Variants in SLC1A5 observed in about 807,000 individuals in gnomAD.
The protein encoded by SLC1A5 is neutral amino acid transporter B(0).
A neutral mutation model predicts 34.9 loss-of-function variants in SLC1A5; 25 were observed. That is an observed-to-expected ratio of 0.72 (90% CI 0.52 to 1.00). SLC1A5 has a LOEUF of 1.00. Ranked by LOEUF, SLC1A5 falls within the 50% of genes least tolerant of loss-of-function variation. The pLI, the probability that SLC1A5 is intolerant of heterozygous loss-of-function variation, is 0.00. For synonymous variants in SLC1A5, 351 were observed against 341.2 expected (o/e 1.03, Z -0.32); for missense variants, 637 against 740.0 (o/e 0.86, Z 1.61).
chr19:46,777,498 C>A (rs2055102576), intron 5 of SLC1A5, 93 bp from the exon 6 acceptor site: 6 of 1,241,090 alleles, frequency 4.8e-6, no homozygotes, highest in Middle Eastern at 2.8e-4. Flanking sequence ...TCGCCTACCC[C>A]ACCCCAACCA....
At chr19:46,784,929 G>A in intron 1 of SLC1A5, 1 of 1,216,650 alleles carries the variant, frequency 8.2e-7, no homozygotes, top group East Asian at 3.6e-5. Context: ...CCTCCTGGAG[G>A]GCCTGCCAGC....
At chr19:46,780,329 C>T (rs1253738473) in intron 4 of SLC1A5, among the ~76,000 whole-genome samples, 1 of 151,800 alleles carries the variant, frequency 6.6e-6, no homozygotes, top group Non-Finnish European at 1.5e-5. Context: ...GAGCGAGATC[C>T]TAGTTCAAAA....
At chr19:46,782,045 C>T (rs565930496) in intron 4 of SLC1A5, among the ~76,000 whole-genome samples, 3 of 152,090 alleles carry the variant, frequency 2.0e-5, no homozygotes, top group African/African-American at 7.2e-5. Context: ...AGGTGCGTGT[C>T]CCCATGCCTG....
chr19:46,786,015 G>T (rs1250877805), intron 1 of SLC1A5, among the ~76,000 whole-genome samples: 1 of 147,172 alleles, frequency 6.8e-6, no homozygotes, highest in Non-Finnish European at 1.5e-5. Flanking sequence ...AGCCAAGATC[G>T]CACCACTGCA....
chr19:46,782,360 C>CCCCCA, intron 4 of SLC1A5, 23 bp downstream of exon 4: 1 of 1,332,698 alleles, frequency 7.5e-7, no homozygotes, highest in Non-Finnish European at 1.1e-6. Flanking sequence ...CACCCACCCC[C>CCCCCA]AGCCTCCTCT....
rs377465288 is a variant in SLC1A5, at chr19:46,775,476, C to A, written c.*34G>T. 6.3e-7 allele frequency: 1 copy of A among 1,574,818 alleles called. No homozygotes were observed. The highest frequency in any genetic ancestry group is 8.6e-7 in the Non-Finnish European group (1 of 1,161,070). ...CTCATAATCCAGTGTCCAAAGAGCACCCCCAGCAGGGCAGGGAAGGTCCCT... is the reference window on the plus strand; with the variant it reads ...CTCATAATCCAGTGTCCAAAGAGCAACCCCAGCAGGGCAGGGAAGGTCCCT... On this transcript the variant is annotated 3_prime_UTR_variant, in exon 8 of 8. Coordinates refer to ENST00000542575, the MANE Select transcript of SLC1A5 (RefSeq NM_005628.3).
At chr19:46,784,292 T>G in intron 2 of SLC1A5, 148 bp from the exon 3 acceptor site, 1 of 788,216 alleles carries the variant, frequency 1.3e-6, no homozygotes, top group African/African-American at 1.7e-5. Flanking sequence ...GGCAGGATGA[T>G]CAATACCCCC....
intron 4 of SLC1A5, 32 bp downstream of exon 4, chr19:46,782,351 A>ACCC: frequency 3.9e-6 from 1 of 256,182 alleles, no homozygotes; most frequent in Non-Finnish European, 7.0e-6. Flanking sequence ...CTCCAACCCC[A>ACCC]CCCACCCCCA....
At position 46,775,322 on chromosome 19, in the gene SLC1A5, C is replaced by A. The variant is rs2055076406; in HGVS notation, c.*188G>T. On this transcript the variant is annotated 3_prime_UTR_variant, in exon 8 of 8. Coordinates refer to ENST00000542575, the MANE Select transcript of SLC1A5 (RefSeq NM_005628.3). ...GAGAACTGGGGGTTTTGAGGAGTAA[C>A]CCTTGTGAACACATGTACTCCAGCA... The A allele has an allele frequency of 1.4e-6, 2 of 1,405,702 alleles. No individual in the cohort carries two copies. Among genetic ancestry groups the A allele is most frequent in the Admixed American group, 2.9e-5 (1 of 34,330 alleles). The allele number at this position is 1,405,702 out of a possible 1,614,324, so 87.1% of individuals were successfully genotyped here. A position where few individuals can be genotyped will look rare whatever the true frequency, so the allele number is the denominator to read the frequency against.
At position 46,784,362 on chromosome 19, in the gene SLC1A5, CA is replaced by C. The variant is rs1426897259; in HGVS notation, c.609+154del. ...GTAAACACATTTACCCAGAGTCACACAGCTAGAATTAAAACTCACAGGAGGC... is the reference window on the plus strand; with the variant it reads ...GTAAACACATTTACCCAGAGTCACACGCTAGAATTAAAACTCACAGGAGGC... On this transcript the variant is annotated intron_variant, in intron 2 of 7. Coordinates refer to ENST00000542575, the MANE Select transcript of SLC1A5 (RefSeq NM_005628.3). Among the ~76,000 whole-genome samples the C allele has an allele frequency of 2.6e-5, 4 of 152,222 alleles. 1 individual carries two copies. The South Asian group carries it at 8.3e-4, about 32-fold the overall frequency.
At position 46,787,301 on chromosome 19, in the gene SLC1A5, A is replaced by C; in HGVS notation, c.566+99T>G. ...GAGTTTTCCTAAGACTCTAGAGGGA[A>C]GTCTCTGCTCCAGGGGCCCCAAAGC... On this transcript the variant is annotated intron_variant, in intron 1 of 7. Transcript: ENST00000542575. This position sits in a 1 kb window ranked among gnomAD's most constrained non-coding sequence, Gnocchi z 5.2. 3 of 1,509,150 alleles carry C rather than the reference A, an allele frequency of 2.0e-6. No individual in the cohort carries two copies. In the South Asian group the frequency reaches 3.8e-5, roughly 19 times the overall value. The allele number at this position is 1,509,150 out of a possible 1,614,324, so 93.5% of individuals were successfully genotyped here.
Position 46,778,857 on chromosome 19 carries a change from C to T in SLC1A5, c.876G>A (p.Met292Ile). 6.3e-7 allele frequency: 1 copy of T among 1,599,094 alleles called. No homozygotes were observed. Among genetic ancestry groups the T allele is most frequent in the Non-Finnish European group, 8.5e-7 (1 of 1,172,438 alleles). Residue 292 changes from methionine (M) to isoleucine (I), a missense_variant, in exon 5 of 8, where the codon ATG becomes ATA. Met to Ile is a conservative substitution (Grantham distance 10). Coordinates refer to ENST00000542575, the MANE Select transcript of SLC1A5 (RefSeq NM_005628.3). Reference sequence around the variant, plus strand: ...GGGCAAAGAGTAAACCCACATCCTCCATCTCCACGATCTTGCCAGCCACCA... The same window carrying T: ...GGGCAAAGAGTAAACCCACATCCTCTATCTCCACGATCTTGCCAGCCACCA... ...MFLVAGKIVE[M>I]EDVGLLFARL...
rs759182861 is a variant in SLC1A5, at chr19:46,782,380, TACC to T, written c.824_824+2del. ...ACCCCCAGCCTCCTCTCCCACCACC[TACC>T]ACATGATCCAGGAGACCAGAACCAT... On this transcript the variant is annotated splice_donor_variant and coding_sequence_variant, in exon 4 of 8. Coordinates refer to ENST00000542575, the MANE Select transcript of SLC1A5 (RefSeq NM_005628.3). LOFTEE classifies it high-confidence loss of function. 4.5e-6 allele frequency: 2 copies of T among 448,268 alleles called. No homozygotes were observed. The highest frequency in any genetic ancestry group is 6.6e-6 in the Non-Finnish European group (2 of 301,296). The allele number at this position is 448,268 out of a possible 1,614,324, so 27.8% of individuals were successfully genotyped here.
At chr19:46,786,154 G>A (rs577603304) in intron 1 of SLC1A5, among the ~76,000 whole-genome samples, 2 of 152,064 alleles carry the variant, frequency 1.3e-5, no homozygotes, top group Admixed American at 6.6e-5. Context: ...AGATGTTGGC[G>A]TGGCTGGTGG....
chr19:46,775,172 A>C lies in SLC1A5; in HGVS notation c.*338T>G. Reference sequence around the variant, plus strand: ...TAACATCCCCCCAGTGGGGGCTAGAATTCCCCATGGTGACCTGTGACCTGC... The same window carrying C: ...TAACATCCCCCCAGTGGGGGCTAGACTTCCCCATGGTGACCTGTGACCTGC... On this transcript the variant is annotated 3_prime_UTR_variant, in exon 8 of 8. Transcript: ENST00000542575. 2.8e-6 allele frequency: 3 copies of C among 1,064,270 alleles called. No homozygotes were observed. Among genetic ancestry groups the C allele is most frequent in the Non-Finnish European group, 3.4e-6 (3 of 878,862 alleles). 65.9% of individuals were successfully genotyped at this position (1,064,270 alleles called of 1,614,324 possible).
intron 4 of SLC1A5, 32 bp downstream of exon 4, chr19:46,782,351 A>ACACCCCCCCCCCAACCCCCCCCCCC: frequency 3.9e-6 from 1 of 256,186 alleles, no homozygotes; most frequent in Non-Finnish European, 7.0e-6. Context: ...CTCCAACCCC[A>ACACCCCCCCCCCAACCCCCCCCCCC]CCCACCCCCA....
Position 46,776,848 on chromosome 19 carries a change from C to T in SLC1A5, c.1388+127G>A, listed in dbSNP as rs2055093892. 8 of 1,055,550 alleles carry T rather than the reference C, an allele frequency of 7.6e-6. No individual in the cohort carries two copies. In the South Asian group the frequency reaches 1.1e-4, roughly 14 times the overall value. 65.4% of individuals were successfully genotyped at this position (1,055,550 alleles called of 1,614,324 possible). On this transcript the variant is annotated intron_variant, in intron 7 of 7. Coordinates refer to ENST00000542575, the MANE Select transcript of SLC1A5 (RefSeq NM_005628.3). ...CCTCAGGAATGCTCAAGGTTCCCCC[C>T]ATTTCCTCCAGAATTCCTTCCTTCT... is the stretch of plus-strand genomic sequence containing the variant.
rs573431371 is a variant in SLC1A5, at chr19:46,786,412, C to T, written c.566+988G>A. Among the ~76,000 whole-genome samples the T allele has an allele frequency of 3.9e-5, 6 of 152,256 alleles. No homozygotes were observed. The South Asian group carries it at 6.2e-4, about 16-fold the overall frequency. On this transcript the variant is annotated intron_variant, in intron 1 of 7. Transcript: ENST00000542575. The stretch of plus-strand genomic sequence containing the variant: ...GAGTGGGTGTGCCTGCCTGAAGGTC[C>T]GCCTGTACCACCCAGGCCCAGGCTG...
intron 3 of SLC1A5, among the ~76,000 whole-genome samples, chr19:46,782,799 G>A (rs1013870013): frequency 6.6e-6 from 1 of 152,198 alleles, no homozygotes; most frequent in East Asian, 1.9e-4. Context: ...AGCTTGGGGA[G>A]TAGGGGGCAG....
Sources: gnomAD v4.1 joint callset for allele counts (sites outside exome capture counted in the v4.1 genomes callset) on GRCh38, gnomAD v4.1.1 for gene constraint, Gnocchi (gnomAD v3.1) non-coding constraint, MANE v1.5 for transcripts, NCBI Gene and HGNC (gene_info 2026-07-23, HGNC 2026-07-21) for gene names.